The following NSUN6 variants were observed in gnomAD, a reference collection of about 807,000 sequenced individuals.
The protein encoded by NSUN6 is NOP2/Sun RNA methyltransferase 6.
Under a neutral mutation model 58.0 loss-of-function variants are expected in NSUN6, and 64 were observed. The ratio of observed to expected loss-of-function variants is 1.10; its 90% confidence interval spans 0.90 to 1.36. The LOEUF (loss-of-function observed/expected upper bound fraction) is 1.36. NSUN6 is among the 40% of genes most tolerant of loss of function. The pLI is 0.00. For synonymous variants in NSUN6, 231 were observed against 193.9 expected (o/e 1.19, Z -1.59); for missense variants, 701 against 550.1 (o/e 1.27, Z -2.74).
At chr10:18,653,741 TCTAAGGCTGGA>T (rs1245268562), upstream of NSUN6, among the ~76,000 whole-genome samples, 1 of 152,174 alleles carries the variant, frequency 6.6e-6, no homozygotes, top group African/African-American at 2.4e-5. Context: ...CTCTTGGGAT[TCTAAGGCTGGA>T]TCCAAGAAAA....
intron 6 of NSUN6, among the ~76,000 whole-genome samples, chr10:18,604,227 G>T (rs1430061136): frequency 6.6e-6 from 1 of 152,152 alleles, no homozygotes; most frequent in African/African-American, 2.4e-5. Context: ...AGTGATAGAT[G>T]ACAGGTGAGA....
chr10:18,575,292 G>A (rs2056594849), intron 8 of NSUN6, among the ~76,000 whole-genome samples: 1 of 152,140 alleles, frequency 6.6e-6, no homozygotes, highest in Admixed American at 6.6e-5. Flanking sequence ...TACCTCTCAG[G>A]TAAAGGAATC....
At chr10:18,600,061 T>C (rs1451623494) in intron 6 of NSUN6, among the ~76,000 whole-genome samples, 7 of 152,160 alleles carry the variant, frequency 4.6e-5, no homozygotes, top group African/African-American at 1.7e-4. Context: ...GATGCTAAAA[T>C]TAAAAATTAT....
chr10:18,646,110 G>A (rs911587616), intron 2 of NSUN6, among the ~76,000 whole-genome samples: 3 of 152,116 alleles, frequency 2.0e-5, no homozygotes, highest in South Asian at 2.1e-4. Context: ...CAGGAGAATC[G>A]CTTGAACCTG....
chr10:18,562,252 AC>A (rs981283050), intron 8 of NSUN6, among the ~76,000 whole-genome samples: 1 of 150,992 alleles, frequency 6.6e-6, no homozygotes, highest in African/African-American at 2.4e-5. Context: ...AATGGATTGG[AC>A]AGGAATGCAG....
In NSUN6 at chr10:18,552,523, TA is replaced by T. The variant is rs527434828; in HGVS notation, c.923-553del. On this transcript the variant is annotated intron_variant, in intron 8 of 10. Transcript: ENST00000377304. ...CACTTCAGTAATTTTCTCTAACTTCTAATCTATTTAATATTATTGGAGGAAG... is the reference window on the plus strand; with the variant it reads ...CACTTCAGTAATTTTCTCTAACTTCTATCTATTTAATATTATTGGAGGAAG... 1.1e-4 allele frequency among the ~76,000 whole-genome samples: 17 copies of T among 152,296 alleles called. 1 individual carries two copies. In the South Asian group the frequency reaches 3.1e-3, roughly 28 times the overall value.
At chr10:18,622,402 G>C (rs192827954) in intron 3 of NSUN6, among the ~76,000 whole-genome samples, 2 of 152,276 alleles carry the variant, frequency 1.3e-5, no homozygotes, top group African/African-American at 4.8e-5. Flanking sequence ...ACTGACATGA[G>C]TGACAAGGCA....
chr10:18,655,061 C>T (rs2131622733), upstream of NSUN6: 31 of 982,612 alleles, frequency 3.2e-5, no homozygotes, highest in Non-Finnish European at 3.7e-5. Context: ...GCTTATGGAA[C>T]ATTGGAAATT....
chr10:18,582,790 C>A (rs2056963948), intron 8 of NSUN6, among the ~76,000 whole-genome samples: 1 of 152,160 alleles, frequency 6.6e-6, no homozygotes, highest in Admixed American at 6.5e-5. Flanking sequence ...GAGTACTATG[C>A]CCATGTCAAA....
At chr10:18,553,312 T>G (rs2054735020) in intron 8 of NSUN6, among the ~76,000 whole-genome samples, 1 of 151,144 alleles carries the variant, frequency 6.6e-6, no homozygotes, top group South Asian at 2.1e-4. Context: ...TTCCATGGAA[T>G]GGAATGGGGA....
At chr10:18,569,748 C>T (rs1021134346) in intron 8 of NSUN6, among the ~76,000 whole-genome samples, 1 of 150,488 alleles carries the variant, frequency 6.6e-6, no homozygotes, top group Non-Finnish European at 1.5e-5. Context: ...TCCATTACAT[C>T]CCATTCTCCA....
intron 3 of NSUN6, among the ~76,000 whole-genome samples, chr10:18,637,669 T>C (rs2059263262): frequency 6.6e-6 from 1 of 152,142 alleles, no homozygotes; most frequent in South Asian, 2.1e-4. Flanking sequence ...AGTCCACAAA[T>C]ATTGACTCCA....
At chr10:18,588,512 C>T (rs1266897883) in intron 7 of NSUN6, among the ~76,000 whole-genome samples, 1 of 152,208 alleles carries the variant, frequency 6.6e-6, no homozygotes, top group Non-Finnish European at 1.5e-5. Context: ...GGTCGACAGA[C>T]ACCTCATGCA....
At chr10:18,596,350 G>A (rs376537070) in intron 6 of NSUN6, 23 bp from the exon 7 acceptor site, 10 of 1,496,334 alleles carry the variant, frequency 6.7e-6, no homozygotes, top group African/African-American at 4.1e-5. Flanking sequence ...AAATGTAATC[G>A]ATTATCAATA....
chr10:18,658,382 C>G (rs752302217), upstream of NSUN6: 1 of 152,224 alleles, frequency 6.6e-6, no homozygotes, highest in South Asian at 2.1e-4. Context: ...ATCCAACCAT[C>G]TGACTGAAGT....
chr10:18,656,185 G>A (rs933997315), upstream of NSUN6, among the ~76,000 whole-genome samples: 7 of 152,072 alleles, frequency 4.6e-5, no homozygotes, highest in Non-Finnish European at 7.4e-5. Flanking sequence ...ATTTTCTGAC[G>A]GGAAATCTAT....
rs1158675982 is a variant in NSUN6 at position 18,571,273 on chromosome 10, CTTTCTCCATTCCATTCCCTTCT to C, written c.922+14654_922+14675del. On this transcript the variant is annotated intron_variant, in intron 8 of 10. Transcript: ENST00000377304. ...CTCCATTCTCCTTTCCATTCCCTTC[CTTTCTCCATTCCATTCCCTTCT>C]TTTCTCCATTCCATTCCCTTCTTTT... Among the ~76,000 whole-genome samples the C allele has an allele frequency of 5.7e-3, 864 of 150,498 alleles. 9 individuals are homozygous for C. The highest frequency in any genetic ancestry group is 0.019 in the African/African-American group (799 of 40,984).
Position 18,585,949 on chromosome 10 carries a change from CT to C in NSUN6, c.921del (p.Gly308GlufsTer34). 1 of 1,591,190 alleles carries C rather than the reference CT, an allele frequency of 6.3e-7. No individual in the cohort carries two copies. The highest frequency in any genetic ancestry group is 1.7e-4 in the Middle Eastern group (1 of 5,932). On this transcript the variant is annotated frameshift_variant and splice_region_variant, in exon 8 of 11. Coordinates refer to ENST00000377304, the MANE Select transcript of NSUN6 (RefSeq NM_182543.5). LOFTEE classifies it high-confidence loss of function. ...AVKLDMVEDTEGEPPFLPESF... is the reference protein window; with the variant it reads ...AVKLDMVEDTXGEPPFLPESF... ...AAATAAGAAAATCAAAATAGCTCAC[CT>C]TCTGTGTCCTCCACCATATCAAGTT... is the stretch of plus-strand genomic sequence containing the variant.
chr10:18,634,008 G>C (rs534359960), intron 3 of NSUN6, among the ~76,000 whole-genome samples: 1 of 152,340 alleles, frequency 6.6e-6, no homozygotes, highest in East Asian at 1.9e-4. Context: ...CCATAGGTAT[G>C]CTCTTTCGCC....
Sources: allele counts gnomAD v4.1 joint callset (sites outside exome capture counted in the v4.1 genomes callset), GRCh38; gene constraint gnomAD v4.1.1; transcripts MANE v1.5; gene names NCBI Gene and HGNC (gene_info 2026-07-23, HGNC 2026-07-21).